ABCC9: variants seen among roughly 807,000 people sequenced by gnomAD.
ABCC9 encodes ATP-binding cassette sub-family C member 9.
A neutral mutation model predicts 188.3 loss-of-function variants in ABCC9; 95 were observed. The observed-to-expected ratio is 0.50, with a 90% CI of 0.43 to 0.60. The LOEUF (loss-of-function observed/expected upper bound fraction) is 0.60, where lower values mean the gene tolerates loss of function less well. Ranked by LOEUF, ABCC9 falls within the 20% of genes least tolerant of loss-of-function variation. The pLI is 0.00. For missense variants in ABCC9, 1,102 were observed against 1,876.3 expected (o/e 0.59, Z 7.62); for synonymous variants, 659 against 652.7 (o/e 1.01, Z -0.15).
chr12:21,872,793 A>T (rs975609768), intron 17 of ABCC9, 63 bp from the exon 18 acceptor site: 1 of 1,266,370 alleles, frequency 7.9e-7, no homozygotes, highest in Admixed American at 1.7e-5. Context: ...ATAACATCAA[A>T]ACACATTTAG....
At position 21,844,824 on chromosome 12, in the gene ABCC9, G is replaced by C; in HGVS notation, c.3188C>G (p.Thr1063Arg). The C allele has an allele frequency of 6.2e-7, 1 of 1,613,960 alleles. No individual in the cohort carries two copies. Among genetic ancestry groups the C allele is most frequent in the Non-Finnish European group, 8.5e-7 (1 of 1,179,876 alleles). Residue 1063 changes from threonine (T) to arginine (R), a missense_variant, in exon 27 of 40, where the codon ACA becomes AGA. Physicochemically the swap from Thr to Arg is moderately conservative, Grantham distance 71. Around this residue, in one of 12 missense-constraint regions of ABCC9, gnomAD observed 74 missense variants for 132.7 expected, o/e 0.56. Coordinates refer to ENST00000261200, the MANE Select transcript of ABCC9 (RefSeq NM_020297.4). ...GTTGTGGTGAAGATTTTTGGCAGCT[G>C]TGAGACCCATCCATTCTACAGTGAG... is the stretch of plus-strand genomic sequence containing the variant. ...TSLTVEWMGL[T>R]AAKNLHHNLL... is the part of the protein sequence containing the mutation.
rs1295512499 is a variant in ABCC9 at position 21,902,963 on chromosome 12, C to G, written c.1618+3163G>C. 2.0e-5 allele frequency among the ~76,000 whole-genome samples: 3 copies of G among 152,250 alleles called. No individual in the cohort carries two copies. In the East Asian group the frequency reaches 5.8e-4, roughly 29 times the overall value. On this transcript the variant is annotated intron_variant, in intron 12 of 39. Coordinates refer to ENST00000261200, the MANE Select transcript of ABCC9 (RefSeq NM_020297.4). ...TATGAGGCCAGCATCATCCTGATAC[C>G]AAAGCCTGGCAGAGACACACACACA...
chr12:21,864,417 C>G (rs1285763508), intron 19 of ABCC9, 22 bp downstream of exon 19: 1 of 1,537,512 alleles, frequency 6.5e-7, no homozygotes, highest in Admixed American at 1.7e-5. Flanking sequence ...TTATTAAACT[C>G]AGGTTAAAAT....
chr12:21,814,450 A>AT (rs1193462655), intron 35 of ABCC9, among the ~76,000 whole-genome samples, 194 bp downstream of exon 35: 1 of 152,224 alleles, frequency 6.6e-6, no homozygotes, highest in African/African-American at 2.4e-5. Context: ...TTTAAGGCTC[A>AT]TCATTTTATT....
At chr12:21,929,513 G>T (rs1040207921) in intron 4 of ABCC9, among the ~76,000 whole-genome samples, 4 of 151,854 alleles carry the variant, frequency 2.6e-5, no homozygotes, top group African/African-American at 9.7e-5. Context: ...ACTTTGCACT[G>T]TTTTTCTAAT....
At chr12:21,896,540 C>A (rs577733288) in intron 12 of ABCC9, among the ~76,000 whole-genome samples, 1 of 152,206 alleles carries the variant, frequency 6.6e-6, no homozygotes, top group Non-Finnish European at 1.5e-5. Context: ...CCTATTAAGC[C>A]CAGATGCATT....
chr12:21,911,895 A>ATTTCCATTATAAT (rs143730509), intron 8 of ABCC9, among the ~76,000 whole-genome samples: 151,014 of 152,068 alleles, frequency 0.99, 74,994 homozygotes, highest in South Asian at 1. Context: ...TATCTGGTTC[A>ATTTCCATTATAAT]TGAACACTAA....
rs1944779677 is a variant in ABCC9 at position 21,848,150 on chromosome 12, C to T, written c.2866G>A (p.Glu956Lys). 1.9e-6 allele frequency: 3 copies of T among 1,612,986 alleles called. No homozygotes were observed. ...AKAQMEDEDE[E>K]EEEEEDEDDN... ...TCCAGATAAAAGAAAAAAGATCTAC[C>T]TTCGTCTTCGTCCTCCATCTGGGCT... Residue 956 changes from glutamate to lysine, a missense_variant and splice_region_variant, in exon 25 of 40, where the codon GAG becomes AAG. This residue lies in a region of ABCC9 where 131 missense variants were observed against 170.2 expected (regional missense o/e 0.77). Transcript: ENST00000261200.
At chr12:21,919,003 TTAAC>T (rs1948706995) in intron 5 of ABCC9, among the ~76,000 whole-genome samples, 1 of 152,102 alleles carries the variant, frequency 6.6e-6, no homozygotes, top group Admixed American at 6.6e-5. Flanking sequence ...TTAAAATACA[TTAAC>T]TATAATAAAA....
chr12:21,892,217 C>A (rs944966424), intron 14 of ABCC9, among the ~76,000 whole-genome samples: 2 of 152,082 alleles, frequency 1.3e-5, no homozygotes, highest in African/African-American at 2.4e-5. Context: ...GATTTATTAC[C>A]ACGGAATTGT....
intron 7 of ABCC9, among the ~76,000 whole-genome samples, chr12:21,914,839 G>T (rs1948468316): frequency 6.6e-6 from 1 of 151,306 alleles, no homozygotes; most frequent in South Asian, 2.1e-4. Flanking sequence ...AAAGTACAGA[G>T]GAAGACAGAT....
chr12:21,893,755 G>A (rs1266621496), intron 14 of ABCC9, among the ~76,000 whole-genome samples: 2 of 151,942 alleles, frequency 1.3e-5, no homozygotes, highest in Non-Finnish European at 2.9e-5. Context: ...TGCATAGTCA[G>A]TAAACATGGG....
intron 10 of ABCC9, 151 bp downstream of exon 10, chr12:21,910,006 A>C (rs1390264997): frequency 6.7e-6 from 5 of 747,070 alleles, no homozygotes; most frequent in Non-Finnish European, 1.1e-5. Flanking sequence ...CTATGCTATA[A>C]CATTTCTGAG....
At chr12:21,916,889 T>G in intron 6 of ABCC9, 48 bp downstream of exon 6, 1 of 1,532,918 alleles carries the variant, frequency 6.5e-7, no homozygotes, top group Non-Finnish European at 8.8e-7. Flanking sequence ...ATCTTTCATA[T>G]TGGGGTCTTG....
intron 10 of ABCC9, among the ~76,000 whole-genome samples, chr12:21,908,516 C>T (rs1948151428): frequency 6.6e-6 from 1 of 151,936 alleles, no homozygotes; most frequent in African/African-American, 2.4e-5. Flanking sequence ...GGTCCCATGA[C>T]ACTTCCAACC....
At chr12:21,833,182 T>G (rs1163524708) in intron 30 of ABCC9, among the ~76,000 whole-genome samples, 5 of 152,256 alleles carry the variant, frequency 3.3e-5, no homozygotes, top group Middle Eastern at 3.4e-3. Context: ...GTACACTGCT[T>G]GGGTGACAGG....
At chr12:21,882,933 T>G in intron 15 of ABCC9, 60 bp from the exon 16 acceptor site, 1 of 1,356,748 alleles carries the variant, frequency 7.4e-7, no homozygotes, top group Non-Finnish European at 1.1e-6. Flanking sequence ...GAAGTTTTAC[T>G]GAACACTTAC....
At chr12:21,917,432 G>C (rs1479284452) in intron 5 of ABCC9, among the ~76,000 whole-genome samples, 1 of 152,060 alleles carries the variant, frequency 6.6e-6, no homozygotes, top group Admixed American at 6.6e-5. Context: ...TTATCTTCTG[G>C]TCCTGTTTTC....
chr12:21,891,628 A>T (rs1009076146), intron 14 of ABCC9, among the ~76,000 whole-genome samples: 1 of 152,342 alleles, frequency 6.6e-6, no homozygotes, highest in East Asian at 1.9e-4. Flanking sequence ...TGAACATGGT[A>T]TGGAATTCTC....
Sources: gnomAD v4.1 joint callset for allele counts (sites outside exome capture counted in the v4.1 genomes callset) on GRCh38, gnomAD v4.1.1 for gene constraint, gnomAD v4.1.1 regional missense constraint, MANE v1.5 for transcripts, NCBI Gene and HGNC (gene_info 2026-07-23, HGNC 2026-07-21) for gene names.